The following EIF2AK2 variants were observed in gnomAD, a reference collection of about 807,000 sequenced individuals.
EIF2AK2 encodes the protein eukaryotic translation initiation factor 2 alpha kinase 2, also known as interferon-induced, double-stranded RNA-activated protein kinase.
EIF2AK2 carries 40 observed loss-of-function variants against 70.5 expected under a neutral mutation model. The ratio of observed to expected loss-of-function variants is 0.57; its 90% CI spans 0.44 to 0.74. The LOEUF is 0.74. EIF2AK2 is among the 30% of genes least tolerant of loss of function. EIF2AK2 has a pLI of 0.00. For missense variants in EIF2AK2, 555 were observed against 644.3 expected, an observed-to-expected ratio of 0.86 and a Z score of 1.50; for synonymous variants, 198 against 220.9, an observed-to-expected ratio of 0.90 and a Z score of 0.92.
chr2:37,124,538 C>T (rs1029323342), intron 11 of EIF2AK2, among the ~76,000 whole-genome samples: 4 of 151,886 alleles, frequency 2.6e-5, no homozygotes, highest in African/African-American at 7.3e-5. Context: ...GGATTACAGG[C>T]GTGAGCCACC....
At chr2:37,127,097 G>C (rs1674768004) in intron 10 of EIF2AK2, among the ~76,000 whole-genome samples, 1 of 151,204 alleles carries the variant, frequency 6.6e-6, no homozygotes, top group Non-Finnish European at 1.5e-5. Context: ...AAGAGAAATG[G>C]GCATACGCTC....
At chr2:37,132,866 G>T (rs1674996878) in intron 10 of EIF2AK2, among the ~76,000 whole-genome samples, 1 of 152,090 alleles carries the variant, frequency 6.6e-6, no homozygotes. Context: ...CAGTAAAAAA[G>T]GTTCGATTTC....
In EIF2AK2 at chr2:37,103,927, T is replaced by G. The variant is rs1166868868; in HGVS notation, c.*3346A>C. On this transcript the variant is annotated 3_prime_UTR_variant, in exon 17 of 17. Coordinates refer to ENST00000233057, the MANE Select transcript of EIF2AK2 (RefSeq NM_001135651.3). ...GCCAAGGCAAGTGAATCACCTGAGGTCAGGAGTTCAAAACCAGCTGGGTCA... is the reference window on the plus strand; with the variant it reads ...GCCAAGGCAAGTGAATCACCTGAGGGCAGGAGTTCAAAACCAGCTGGGTCA... 2 of 152,176 alleles carry G rather than the reference T, an allele frequency of 1.3e-5. No homozygotes were observed. Among genetic ancestry groups the G allele is most frequent in the African/African-American group, 4.8e-5 (2 of 41,446 alleles). 9.4% of individuals were successfully genotyped at this position (152,176 alleles called of 1,614,324 possible).
intron 1 of EIF2AK2, among the ~76,000 whole-genome samples, chr2:37,154,367 C>A (rs1437478145): frequency 6.6e-6 from 1 of 151,826 alleles, no homozygotes; most frequent in Non-Finnish European, 1.5e-5. Context: ...AAAAAAACAT[C>A]AATTCAATCA....
At position 37,147,754 on chromosome 2, in the gene EIF2AK2, C is replaced by T. The variant is rs1193310225; in HGVS notation, c.53G>A (p.Arg18His). The T allele has an allele frequency of 6.2e-6, 10 of 1,613,548 alleles. No homozygotes were observed. The highest frequency in any genetic ancestry group is 8.5e-6 in the Non-Finnish European group (10 of 1,179,742). ...TTTAAGTACTACTCCCTGCTTCTGA[C>T]GGTATGTATTAAGTTCCTCCATGAA... ...GFFMEELNTY[R>H]QKQGVVLKYQ... The change falls in exon 3 of 17, where the codon CGT (arginine) becomes CAT (histidine). Residue 18 changes from arginine (R) to histidine (H), a missense_variant. Physicochemically the swap from Arg to His is conservative, Grantham distance 29. Around this residue, in one of 3 missense-constraint regions of EIF2AK2, gnomAD observed 48 missense variants for 77.1 expected, o/e 0.62. Transcript: ENST00000233057.
chr2:37,113,672 T>C (rs56725132), intron 14 of EIF2AK2, among the ~76,000 whole-genome samples: 3,206 of 152,026 alleles, frequency 0.021, 109 homozygotes, highest in African/African-American at 0.072. Flanking sequence ...TTATGAGAAA[T>C]TGGGAAAGGA....
Position 37,126,326 on chromosome 2 carries a change from T to A in EIF2AK2, c.871A>T (p.Lys291Ter). ...TTAACACGTTTAATAACGTAAGTCT[T>A]TCCGTCAATTCTGTGTTTTGCTTTG... ...VFKAKHRIDG[K>*]TYVIKRVKYN... Residue 291 changes from lysine to a stop codon, truncating the protein, a stop_gained, in exon 11 of 17, where the codon AAG becomes TAG. Transcript: ENST00000233057. LOFTEE classifies it high-confidence loss of function. The A allele has an allele frequency of 6.2e-7, 1 of 1,611,206 alleles. No individual in the cohort carries two copies.
intron 12 of EIF2AK2, among the ~76,000 whole-genome samples, chr2:37,121,197 A>C (rs989503500): frequency 7.6e-6 from 1 of 132,084 alleles, no homozygotes; most frequent in Non-Finnish European, 1.6e-5. Context: ...CGGGAGGCAG[A>C]GCTTGCAGTG....
chr2:37,129,740 A>G (rs976455909), intron 10 of EIF2AK2, among the ~76,000 whole-genome samples: 1 of 152,062 alleles, frequency 6.6e-6, no homozygotes, highest in African/African-American at 2.4e-5. Context: ...AGTCACCCTC[A>G]CTCACTCTTT....
chr2:37,143,163 G>A (rs1284511977), intron 4 of EIF2AK2, among the ~76,000 whole-genome samples: 1 of 149,530 alleles, frequency 6.7e-6, no homozygotes, highest in African/African-American at 2.5e-5. Context: ...GGGAGGCGGA[G>A]GTTGCAGTGA....
At chr2:37,127,129 T>A (rs1674769472) in intron 10 of EIF2AK2, among the ~76,000 whole-genome samples, 2 of 152,148 alleles carry the variant, frequency 1.3e-5, no homozygotes, top group African/African-American at 4.8e-5. Context: ...AGGTTTCTAC[T>A]TGGTTTTCTC....
At chr2:37,136,296 T>G (rs1675124591) in intron 9 of EIF2AK2, among the ~76,000 whole-genome samples, 1 of 152,224 alleles carries the variant, frequency 6.6e-6, no homozygotes, top group African/African-American at 2.4e-5. Flanking sequence ...AAATCCTTTC[T>G]CCTTTACCTC....
chr2:37,126,699 G>A (rs1231938783), intron 10 of EIF2AK2, among the ~76,000 whole-genome samples: 1 of 152,024 alleles, frequency 6.6e-6, no homozygotes, highest in African/African-American at 2.4e-5. Context: ...GCTCATGCCC[G>A]TAATACCAGC....
At chr2:37,122,462 T>C (rs989843200) in intron 12 of EIF2AK2, 44 bp downstream of exon 12, 6 of 1,596,070 alleles carry the variant, frequency 3.8e-6, no homozygotes, top group Admixed American at 1.8e-5. Flanking sequence ...AAATAACAAT[T>C]TCCTTCCATC....
chr2:37,141,961 T>C (rs1675348140), intron 4 of EIF2AK2, among the ~76,000 whole-genome samples: 1 of 152,230 alleles, frequency 6.6e-6, no homozygotes, highest in South Asian at 2.1e-4. Flanking sequence ...TAACACTTTC[T>C]AGCTTGTTAT....
rs772329202 is a variant in EIF2AK2 at position 37,107,476 on chromosome 2, C to T, written c.1531G>A (p.Glu511Lys). ...GIISDIFDKKEKTLLQKLLSK... is the reference protein window; with the variant it reads ...GIISDIFDKKKKTLLQKLLSK... ...TCTGATGATTTTCAAGTGCTTACTT[C>T]TTTTTTATCAAATATATCTGAGATG... is the stretch of plus-strand genomic sequence containing the variant. Residue 511 changes from glutamate (E) to lysine (K), a missense_variant and splice_region_variant, in exon 16 of 17, where the codon GAA (glutamate) becomes AAA (lysine). By Grantham distance (56) the Glu-to-Lys change is moderately conservative. Coordinates refer to ENST00000233057, the MANE Select transcript of EIF2AK2 (RefSeq NM_001135651.3). The T allele has an allele frequency of 6.2e-7, 1 of 1,612,040 alleles. No homozygotes were observed.
intron 14 of EIF2AK2, among the ~76,000 whole-genome samples, chr2:37,111,877 AAATAT>A (rs1156356362): frequency 5.2e-3 from 181 of 34,820 alleles, no homozygotes; most frequent in African/African-American, 9.4e-3. Context: ...AAAAAAAAAA[AAATAT>A]ATATATATAT....
intron 2 of EIF2AK2, chr2:37,148,470 T>G: frequency 2.1e-6 from 1 of 483,050 alleles, no homozygotes; most frequent in Non-Finnish European, 3.9e-6. Flanking sequence ...CTAAGGGTGA[T>G]CAGCCCGTGA....
chr2:37,121,617 ATTTTTTTTT>A (rs34031780), intron 12 of EIF2AK2, among the ~76,000 whole-genome samples: 4 of 122,168 alleles, frequency 3.3e-5, no homozygotes, highest in Admixed American at 1.7e-4. Flanking sequence ...TGGAGGCTTG[ATTTTTTTTT>A]TTTTTTTTTT....
Sources: allele counts gnomAD v4.1 joint callset (sites outside exome capture counted in the v4.1 genomes callset), GRCh38; gene constraint gnomAD v4.1.1; regional missense constraint gnomAD v4.1.1; transcripts MANE v1.5; gene names NCBI Gene and HGNC (gene_info 2026-07-23, HGNC 2026-07-21).